ASIC2: variants seen among roughly 807,000 people sequenced by gnomAD.
ASIC2 encodes acid-sensing ion channel 2.
A neutral mutation model predicts 57.3 loss-of-function variants in ASIC2; 25 were observed. The ratio of observed to expected loss-of-function variants is 0.44; its 90% CI spans 0.32 to 0.61. ASIC2 has a LOEUF of 0.61. ASIC2 is among the 20% of genes least tolerant of loss of function. The pLI, the probability that ASIC2 is intolerant of heterozygous loss-of-function variation, is 0.06. For synonymous variants in ASIC2, 319 were observed against 307.5 expected (o/e 1.04, Z -0.39); for missense variants, 641 against 738.1 (o/e 0.87, Z 1.52).
At chr17:33,863,892 C>CTT (rs771558000) in intron 1 of ASIC2, among the ~76,000 whole-genome samples, 53 of 133,510 alleles carry the variant, frequency 4.0e-4, no homozygotes, top group African/African-American at 8.3e-4. Flanking sequence ...ACAGTTACCT[C>CTT]TTTTTTTGTT....
At chr17:33,416,705 C>T (rs756577192) in intron 1 of ASIC2, among the ~76,000 whole-genome samples, 3 of 152,324 alleles carry the variant, frequency 2.0e-5, no homozygotes, top group African/African-American at 7.2e-5. Flanking sequence ...GTTTATTTTG[C>T]CATTTGTCAA....
intron 1 of ASIC2, among the ~76,000 whole-genome samples, chr17:33,130,560 G>A (rs2092341571): frequency 6.6e-6 from 1 of 152,204 alleles, no homozygotes; most frequent in African/African-American, 2.4e-5. Flanking sequence ...GTCACTAGAA[G>A]TATTTATGCA....
At chr17:33,214,409 G>T (rs1446033230) in intron 1 of ASIC2, among the ~76,000 whole-genome samples, 1 of 152,208 alleles carries the variant, frequency 6.6e-6, no homozygotes, top group Non-Finnish European at 1.5e-5. Flanking sequence ...AGGTGAATCT[G>T]CTCATCCTCT....
intron 1 of ASIC2, among the ~76,000 whole-genome samples, chr17:33,368,083 C>T (rs919567094): frequency 6.6e-6 from 1 of 152,176 alleles, no homozygotes; most frequent in African/African-American, 2.4e-5. Flanking sequence ...TGGCATGACA[C>T]CTCTCCATTA....
Position 33,088,866 on chromosome 17 carries a change from C to T in ASIC2, c.984G>A (p.Gln328=). 1 of 1,611,838 alleles carries T rather than the reference C, an allele frequency of 6.2e-7. No individual in the cohort carries two copies. The highest frequency in any genetic ancestry group is 1.1e-5 in the South Asian group (1 of 90,686). The change falls in exon 3 of 10, where the codon CAG becomes CAA. Residue 328 remains glutamine (Q), a synonymous_variant. Coordinates refer to ENST00000225823, the MANE Select transcript of ASIC2 (RefSeq NM_183377.2). The stretch of plus-strand genomic sequence containing the variant: ...CCTGGGAGCCCAGGGAACTTACCCT[C>T]TGCTCCTGTGTGGCCACAAAGGTCT... ...GFQTFVATQE[Q]RLTYLPPPWG...
intron 1 of ASIC2, among the ~76,000 whole-genome samples, chr17:33,494,992 T>A (rs1597751321): frequency 1.3e-5 from 2 of 152,300 alleles, no homozygotes; most frequent in East Asian, 3.9e-4. Context: ...GATTCCTAAG[T>A]CTGACTGTGC....
intron 1 of ASIC2, among the ~76,000 whole-genome samples, chr17:33,664,708 C>G (rs1304387727): frequency 1.3e-5 from 2 of 152,190 alleles, no homozygotes; most frequent in African/African-American, 2.4e-5. Context: ...CTTTAACTTG[C>G]AGATACATTG....
chr17:33,711,956 C>T (rs574045451), intron 1 of ASIC2, among the ~76,000 whole-genome samples: 1 of 152,296 alleles, frequency 6.6e-6, no homozygotes, highest in African/African-American at 2.4e-5. Context: ...CCCAAGGTCC[C>T]TGGGGTGATA....
intron 1 of ASIC2, among the ~76,000 whole-genome samples, chr17:33,656,326 G>A (rs1227703674): frequency 1.3e-5 from 2 of 152,172 alleles, no homozygotes; most frequent in Non-Finnish European, 2.9e-5. Flanking sequence ...TAAATGACAT[G>A]AAGACCATGT....
intron 3 of ASIC2, among the ~76,000 whole-genome samples, chr17:33,088,161 A>G (rs1402869675): frequency 6.6e-6 from 1 of 152,166 alleles, no homozygotes; most frequent in Non-Finnish European, 1.5e-5. Context: ...TTTTTATTCT[A>G]GGAAAACCAG....
In ASIC2 at chr17:33,717,505, C is replaced by T. The variant is rs1023309621; in HGVS notation, c.555+438473G>A. ...TCAAAAATCCTATTTAAAGTGGGAG[C>T]GATGGGAGGTCATAATGCTGGCTCT... On this transcript the variant is annotated intron_variant, in intron 1 of 9. Coordinates refer to the ASIC2 transcript ENST00000359872. Among the ~76,000 whole-genome samples, 10 of 152,228 alleles carry T rather than the reference C, an allele frequency of 6.6e-5. No individual in the cohort carries two copies. In the East Asian group the frequency reaches 1.9e-3, roughly 29 times the overall value.
intron 1 of ASIC2, among the ~76,000 whole-genome samples, chr17:33,617,417 G>A (rs188201468): frequency 9.1e-4 from 138 of 152,236 alleles, no homozygotes; most frequent in African/African-American, 3.2e-3. Flanking sequence ...CAAATACCAC[G>A]TGTTCTCACT....
At chr17:33,480,617 T>C (rs1302203825) in intron 1 of ASIC2, among the ~76,000 whole-genome samples, 1 of 152,086 alleles carries the variant, frequency 6.6e-6, no homozygotes, top group Non-Finnish European at 1.5e-5. Context: ...TTTTCCTGAG[T>C]GCAAGGGGAA....
intron 1 of ASIC2, among the ~76,000 whole-genome samples, chr17:33,862,854 G>C (rs1237509573): frequency 1.3e-5 from 2 of 152,226 alleles, no homozygotes; most frequent in African/African-American, 4.8e-5. Flanking sequence ...CAGATGGTCA[G>C]TTTCTTGACC....
intron 1 of ASIC2, among the ~76,000 whole-genome samples, chr17:34,047,917 T>C (rs1299648047): frequency 6.6e-6 from 1 of 152,172 alleles, no homozygotes; most frequent in East Asian, 1.9e-4. Context: ...GAATCCTGGA[T>C]TTGCCAGGTC....
chr17:33,630,296 G>T (rs116585973), intron 1 of ASIC2, among the ~76,000 whole-genome samples: 22 of 152,022 alleles, frequency 1.4e-4, no homozygotes, highest in African/African-American at 4.8e-4. Flanking sequence ...AGACTATGCC[G>T]CTTCTGTAGG....
chr17:33,342,631 A>T (rs182812941), intron 1 of ASIC2, among the ~76,000 whole-genome samples: 135 of 152,212 alleles, frequency 8.9e-4, no homozygotes, highest in African/African-American at 3.1e-3. Context: ...ACTGATTATT[A>T]ACTCTCAATC....
At position 33,879,674 on chromosome 17, in the gene ASIC2, A is replaced by C. The variant is rs143009565; in HGVS notation, c.555+276304T>G. On this transcript the variant is annotated intron_variant, in intron 1 of 9. Transcript: ENST00000359872. ...AATAATGGGAGACTTTAACACCCCA[A>C]TGTCAACATTAGACACATCAACGAG... Among the ~76,000 whole-genome samples the C allele has an allele frequency of 4.8e-3, 735 of 152,244 alleles. 2 individuals carry two copies. Among genetic ancestry groups the C allele is most frequent in the African/African-American group, 0.017 (702 of 41,556 alleles).
chr17:33,110,439 C>T (rs369043962), intron 2 of ASIC2, among the ~76,000 whole-genome samples: 3 of 152,320 alleles, frequency 2.0e-5, no homozygotes, highest in African/African-American at 4.8e-5. Context: ...GAGAAAAGTA[C>T]ACAGGATCAA....
Sources: allele counts gnomAD v4.1 joint callset (sites outside exome capture counted in the v4.1 genomes callset), GRCh38; gene constraint gnomAD v4.1.1; transcripts MANE v1.5; gene names NCBI Gene and HGNC (gene_info 2026-07-23, HGNC 2026-07-21).